BRSK2: variants seen among roughly 807,000 people sequenced by gnomAD.
BRSK2 encodes the protein serine/threonine-protein kinase BRSK2.
A neutral mutation model predicts 83.3 loss-of-function variants in BRSK2; 19 were observed. That is an observed-to-expected ratio of 0.23 (90% confidence interval 0.16 to 0.33). BRSK2 has a LOEUF of 0.33. Ranked by LOEUF, BRSK2 falls within the 10% of genes least tolerant of loss-of-function variation. The pLI, the probability that BRSK2 is intolerant of heterozygous loss-of-function variation, is 1.00. For synonymous variants in BRSK2, 519 were observed against 435.4 expected (o/e 1.19, Z -2.39); for missense variants, 798 against 1,042.3 (o/e 0.77, Z 3.23).
intron 1 of BRSK2, among the ~76,000 whole-genome samples, chr11:1,413,839 G>A (rs1383920075): frequency 1.3e-5 from 2 of 152,204 alleles, no homozygotes; most frequent in South Asian, 2.1e-4. Flanking sequence ...AGCCCCAGGG[G>A]CTGGAGCTCA....
In BRSK2 at chr11:1,440,768, G is replaced by A; in HGVS notation, c.273-20G>A. On this transcript the variant is annotated intron_variant, in intron 3 of 19. Coordinates refer to ENST00000528841, the MANE Select transcript of BRSK2 (RefSeq NM_001256627.2). The stretch of plus-strand genomic sequence containing the variant: ...GCGGGCAGCCACAGCTGGGCGCACT[G>A]GTGGCCCCGTCTCCTGCAGGTACCT... The A allele has an allele frequency of 6.4e-7, 1 of 1,553,898 alleles. No homozygotes were observed.
rs553387801 is a variant in BRSK2 at position 1,454,419 on chromosome 11, G to T, written c.1545-66G>T. ...ATTCCGCCGTTCCAACCCCAGATTCGAGGGAGGCAGGGGTGTGGACGGTGC... is the reference window on the plus strand; with the variant it reads ...ATTCCGCCGTTCCAACCCCAGATTCTAGGGAGGCAGGGGTGTGGACGGTGC... On this transcript the variant is annotated intron_variant, in intron 15 of 19. Coordinates refer to ENST00000528841, the MANE Select transcript of BRSK2 (RefSeq NM_001256627.2). The surrounding 1 kb of genome is among the most constrained non-coding windows in gnomAD (Gnocchi z 5.2). 187 of 1,582,074 alleles carry T rather than the reference G, an allele frequency of 1.2e-4. No individual in the cohort carries two copies. In the African/African-American group the frequency reaches 2.4e-3, roughly 21 times the overall value.
At chr11:1,415,031 C>T (rs978223848) in intron 1 of BRSK2, among the ~76,000 whole-genome samples, 1 of 152,054 alleles carries the variant, frequency 6.6e-6, no homozygotes, top group African/African-American at 2.4e-5. Context: ...TGTGAGTACC[C>T]ACGTGGGTCC....
chr11:1,423,538 C>T lies in BRSK2; in HGVS notation c.92-12502C>T, dbSNP rs994481852. Among the ~76,000 whole-genome samples, 2 of 152,094 alleles carry T rather than the reference C, an allele frequency of 1.3e-5. No homozygotes were observed. The highest frequency in any genetic ancestry group is 2.9e-5 in the Non-Finnish European group (2 of 67,996). Reference sequence around the variant, plus strand: ...TCGTGTGAGCAGAGGACGGCACTCGCGAGCTCCCTGGGGCTCCTCAGACCC... The same window carrying T: ...TCGTGTGAGCAGAGGACGGCACTCGTGAGCTCCCTGGGGCTCCTCAGACCC... On this transcript the variant is annotated intron_variant, in intron 1 of 19. Transcript: ENST00000528841. This position sits in a 1 kb window ranked among gnomAD's most constrained non-coding sequence, Gnocchi z 6.5.
chr11:1,433,708 A>C (rs771747465), intron 1 of BRSK2, among the ~76,000 whole-genome samples: 4 of 152,242 alleles, frequency 2.6e-5, no homozygotes, highest in Non-Finnish European at 4.4e-5. Flanking sequence ...GAAGGGCTCT[A>C]GGCCCTCCTG....
Position 1,461,345 on chromosome 11 carries a change from C to T in BRSK2, c.*622C>T, listed in dbSNP as rs1220542934. On this transcript the variant is annotated 3_prime_UTR_variant, in exon 20 of 20. Transcript: ENST00000528841. ...CTCCTCGCAGGCCCGTGCCCCGCCT[C>T]CCTGGCTGCGCCGCCTCCGTGTAGT... 4 of 368,438 alleles carry T rather than the reference C, an allele frequency of 1.1e-5. No homozygotes were observed. The highest frequency in any genetic ancestry group is 8.9e-5 in the African/African-American group (4 of 45,114). 22.8% of individuals were successfully genotyped at this position (368,438 alleles called of 1,614,324 possible). A position where few individuals can be genotyped will look rare whatever the true frequency, so the allele number is the denominator to read the frequency against.
In BRSK2 at chr11:1,461,134, C is replaced by T. The variant is rs1847452623; in HGVS notation, c.*411C>T. ...GCGGCAGCTCCTCGCCTCAGCTCCG[C>T]ACGGCCCGTGGGAGGAAGGCCAGGC... On this transcript the variant is annotated 3_prime_UTR_variant, in exon 20 of 20. Coordinates refer to ENST00000528841, the MANE Select transcript of BRSK2 (RefSeq NM_001256627.2). 7 of 1,260,222 alleles carry T rather than the reference C, an allele frequency of 5.6e-6. No homozygotes were observed. Among genetic ancestry groups the T allele is most frequent in the Non-Finnish European group, 7.6e-6 (7 of 919,428 alleles). 78.1% of individuals were successfully genotyped at this position (1,260,222 alleles called of 1,614,324 possible).
intron 12 of BRSK2, among the ~76,000 whole-genome samples, chr11:1,448,319 G>T (rs11028211): frequency 1.3e-3 from 198 of 152,274 alleles, no homozygotes; most frequent in African/African-American, 4.5e-3. Context: ...GAGCCTGGGC[G>T]GGTGGCGCCG....
chr11:1,401,218 GTGTC>G (rs1423793024), intron 1 of BRSK2, among the ~76,000 whole-genome samples: 1 of 152,234 alleles, frequency 6.6e-6, no homozygotes, highest in Non-Finnish European at 1.5e-5. Flanking sequence ...CACCTGGCCT[GTGTC>G]CTCAGCACAT....
intron 1 of BRSK2, among the ~76,000 whole-genome samples, chr11:1,396,340 C>G (rs1425033531): frequency 6.6e-6 from 1 of 152,176 alleles, no homozygotes; most frequent in African/African-American, 2.4e-5. Context: ...CCAGCAAGGC[C>G]TGTACCCCAG....
chr11:1,414,682 G>A (rs1046177486), intron 1 of BRSK2, among the ~76,000 whole-genome samples: 6 of 152,086 alleles, frequency 3.9e-5, no homozygotes, highest in Admixed American at 6.5e-5. Context: ...GGTGCTACGC[G>A]GCCACCACTG....
chr11:1,457,948 G>A (rs1405572750), intron 18 of BRSK2, among the ~76,000 whole-genome samples: 1 of 152,190 alleles, frequency 6.6e-6, no homozygotes, highest in Non-Finnish European at 1.5e-5. Flanking sequence ...AGGAGGAGCA[G>A]GGTTCCAGGT....
intron 8 of BRSK2, 55 bp downstream of exon 8, chr11:1,443,690 G>A (rs1289934421): frequency 4.8e-5 from 71 of 1,482,792 alleles, no homozygotes; most frequent in Middle Eastern, 4.3e-4. Context: ...GCGCGGGGGC[G>A]GGCGTGTGCC....
intron 1 of BRSK2, among the ~76,000 whole-genome samples, chr11:1,433,558 T>TGGG (rs1849871927): frequency 6.6e-6 from 1 of 152,236 alleles, no homozygotes; most frequent in Admixed American, 6.5e-5. Flanking sequence ...CAGCCAGGTT[T>TGGG]GGGGGACATT....
Position 1,461,031 on chromosome 11 carries a change from C to G in BRSK2, c.*308C>G, listed in dbSNP as rs756406192. 1 of 1,610,814 alleles carries G rather than the reference C, an allele frequency of 6.2e-7. No homozygotes were observed. Among genetic ancestry groups the G allele is most frequent in the Admixed American group, 1.7e-5 (1 of 59,914 alleles). On this transcript the variant is annotated 3_prime_UTR_variant, in exon 20 of 20. Coordinates refer to ENST00000528841, the MANE Select transcript of BRSK2 (RefSeq NM_001256627.2). ...GGCCATCCTCTGTGACCGAAGGCAGCTGCTGCGGACCCGCCCTCCCTCCGC... is the reference window on the plus strand; with the variant it reads ...GGCCATCCTCTGTGACCGAAGGCAGGTGCTGCGGACCCGCCCTCCCTCCGC...
chr11:1,420,064 T>C (rs537929176), intron 1 of BRSK2, among the ~76,000 whole-genome samples: 1 of 152,194 alleles, frequency 6.6e-6, no homozygotes, highest in Non-Finnish European at 1.5e-5. Context: ...TCCTCTTTCT[T>C]GGATAAGAGG....
Position 1,451,392 on chromosome 11 carries a change from C to T in BRSK2, c.1517C>T (p.Ser506Phe), listed in dbSNP as rs764060097. The change falls in exon 15 of 20, where the codon TCC becomes TTC. Residue 506 changes from serine (S) to phenylalanine (F), a missense_variant. Coordinates refer to ENST00000528841, the MANE Select transcript of BRSK2 (RefSeq NM_001256627.2). ...ACAGTTCCGACGCCGGAGGAGATGTCCAACCTGACACCAGAGTCGTCCCCA... is the reference window on the plus strand; with the variant it reads ...ACAGTTCCGACGCCGGAGGAGATGTTCAACCTGACACCAGAGTCGTCCCCA... ...KLQVPTPEEM[S>F]NLTPESSPEL... is the part of the protein sequence containing the mutation. 2 of 1,612,988 alleles carry T rather than the reference C, an allele frequency of 1.2e-6. No individual in the cohort carries two copies. Among genetic ancestry groups the T allele is most frequent in the Non-Finnish European group, 1.7e-6 (2 of 1,179,918 alleles).
At chr11:1,450,135 C>G (rs945804266) in intron 13 of BRSK2, among the ~76,000 whole-genome samples, 3 of 148,420 alleles carry the variant, frequency 2.0e-5, no homozygotes, top group African/African-American at 7.9e-5. Flanking sequence ...CTTTCTGGTC[C>G]TCCTGTGCCG....
Position 1,416,290 on chromosome 11 carries a change from G to A in BRSK2, c.92-19750G>A, listed in dbSNP as rs549675536. 2.2e-4 allele frequency among the ~76,000 whole-genome samples: 34 copies of A among 152,322 alleles called. 1 individual carries two copies. The highest frequency in any genetic ancestry group is 7.5e-4 in the African/African-American group (31 of 41,576). On this transcript the variant is annotated intron_variant, in intron 1 of 19. Coordinates refer to ENST00000528841, the MANE Select transcript of BRSK2 (RefSeq NM_001256627.2). Reference sequence around the variant, plus strand: ...CACAGAGTATGATGCCTGTGAGGACGTCCTTCCAGCCACACAGCCCGTGGA... The same window carrying A: ...CACAGAGTATGATGCCTGTGAGGACATCCTTCCAGCCACACAGCCCGTGGA...
Sources: gnomAD v4.1 joint callset for allele counts (sites outside exome capture counted in the v4.1 genomes callset) on GRCh38, gnomAD v4.1.1 for gene constraint, Gnocchi (gnomAD v3.1) non-coding constraint, MANE v1.5 for transcripts, NCBI Gene and HGNC (gene_info 2026-07-23, HGNC 2026-07-21) for gene names.